Variants in SLC8A2 observed in about 807,000 individuals in gnomAD.
SLC8A2 encodes sodium/calcium exchanger 2.
Under a neutral mutation model 70.2 loss-of-function variants are expected in SLC8A2, and 14 were observed. The ratio of observed to expected loss-of-function variants is 0.20; its 90% CI spans 0.13 to 0.31. The LOEUF (loss-of-function observed/expected upper bound fraction) is 0.31, where lower values mean the gene tolerates loss of function less well. SLC8A2 is among the 10% of genes least tolerant of loss of function. The pLI is 1.00. For synonymous variants in SLC8A2, 575 were observed against 594.3 expected (o/e 0.97, Z 0.47); for missense variants, 779 against 1,320.1 (o/e 0.59, Z 6.35).
At position 47,430,113 on chromosome 19, in the gene SLC8A2, C is replaced by A; in HGVS notation, c.2742G>T (p.Ala914=). 1.3e-6 allele frequency: 2 copies of A among 1,589,858 alleles called. No homozygotes were observed. Among genetic ancestry groups the A allele is most frequent in the Non-Finnish European group, 8.6e-7 (1 of 1,167,934 alleles). Residue 914 remains alanine, a synonymous_variant, in exon 10 of 10, where the codon GCG becomes GCT. Transcript: ENST00000236877. The surrounding 1 kb of genome is among the most constrained non-coding windows in gnomAD (Gnocchi z 5.9). ...CCTAGAAGCCCCGGATGTGGCAGTACGCCTCCAGGCTGGCGAAGAGGATGT... is the reference window on the plus strand; with the variant it reads ...CCTAGAAGCCCCGGATGTGGCAGTAAGCCTCCAGGCTGGCGAAGAGGATGT... ...LLYILFASLE[A]YCHIRGF
intron 8 of SLC8A2, among the ~76,000 whole-genome samples, chr19:47,435,357 G>A (rs1388229872): frequency 1.3e-5 from 2 of 152,040 alleles, no homozygotes; most frequent in African/African-American, 2.4e-5. Flanking sequence ...CCCACAGCAC[G>A]ATGTACGCTG....
intron 4 of SLC8A2, among the ~76,000 whole-genome samples, chr19:47,444,751 A>G (rs1967139988): frequency 6.6e-6 from 1 of 152,226 alleles, no homozygotes; most frequent in Admixed American, 6.5e-5. Context: ...AACGCGCAGG[A>G]AACAGCAAGA....
intron 2 of SLC8A2, among the ~76,000 whole-genome samples, 169 bp from the exon 3 acceptor site, chr19:47,457,763 TTTCC>T (rs1400082349): frequency 2.0e-5 from 3 of 149,976 alleles, no homozygotes; most frequent in African/African-American, 7.3e-5. Flanking sequence ...TCTTTCTTTC[TTTCC>T]TTTCTTTCTT....
chr19:47,468,683 C>A lies in SLC8A2; in HGVS notation c.-16-2264G>T, dbSNP rs1392089667. ...CCCAAACACCCCATCCAAAATGACACCCTCCCCCTCTGGGGAGCACCCCTC... is the reference window on the plus strand; with the variant it reads ...CCCAAACACCCCATCCAAAATGACAACCTCCCCCTCTGGGGAGCACCCCTC... On this transcript the variant is annotated intron_variant, in intron 1 of 9. Transcript: ENST00000236877. The surrounding 1 kb of genome is among the most constrained non-coding windows in gnomAD (Gnocchi z 5.1). Among the ~76,000 whole-genome samples, 1 of 152,166 alleles carries A rather than the reference C, an allele frequency of 6.6e-6. No individual in the cohort carries two copies. The highest frequency in any genetic ancestry group is 2.4e-5 in the African/African-American group (1 of 41,454).
At chr19:47,442,428 G>A (rs1182425979) in intron 4 of SLC8A2, among the ~76,000 whole-genome samples, 1 of 152,154 alleles carries the variant, frequency 6.6e-6, no homozygotes, top group Non-Finnish European at 1.5e-5. Flanking sequence ...AAGACCCCCT[G>A]CAATCTAGCA....
At position 47,457,038 on chromosome 19, in the gene SLC8A2, G is replaced by A. The variant is rs1221333185; in HGVS notation, c.1232C>T (p.Ser411Phe). Reference sequence around the variant, plus strand: ...CTGGCACGTGACGGACAGCAGCACGGAGCCGCAGTTCTCCAGGCAGTGGTA... The same window carrying A: ...CTGGCACGTGACGGACAGCAGCACGAAGCCGCAGTTCTCCAGGCAGTGGTA... ...SLYHCLENCG[S>F]VLLSVTCQGG... Residue 411 changes from serine (S) to phenylalanine (F), a missense_variant, in exon 3 of 10, where the codon TCC becomes TTC. Ser to Phe is a radical substitution (Grantham distance 155). Around this residue, in one of 6 missense-constraint regions of SLC8A2, gnomAD observed 186 missense variants for 246.6 expected, o/e 0.75. Transcript: ENST00000236877. 3 of 1,609,380 alleles carry A rather than the reference G, an allele frequency of 1.9e-6. No homozygotes were observed. The highest frequency in any genetic ancestry group is 1.3e-5 in the African/African-American group (1 of 74,870).
intron 3 of SLC8A2, among the ~76,000 whole-genome samples, chr19:47,451,574 G>A (rs117941143): frequency 6.6e-6 from 1 of 152,236 alleles, no homozygotes; most frequent in African/African-American, 2.4e-5. Flanking sequence ...CTCCCAAAGT[G>A]CTGGGATTGC....
intron 3 of SLC8A2, among the ~76,000 whole-genome samples, chr19:47,452,474 GTGTGTGTGTGTGTGTGTC>G (rs1967256363): frequency 6.7e-6 from 1 of 148,216 alleles, no homozygotes; most frequent in African/African-American, 2.5e-5. Context: ...GTGTGTGTGT[GTGTGTGTGTGTGTGTGTC>G]TTGGTCTGTC....
chr19:47,439,034 A>G (rs1198524514), intron 6 of SLC8A2, among the ~76,000 whole-genome samples: 1 of 152,064 alleles, frequency 6.6e-6, no homozygotes, highest in African/African-American at 2.4e-5. Flanking sequence ...TGGACACTAG[A>G]ATGTGGGCAG....
rs968506208 is a variant in SLC8A2, at chr19:47,447,745, G to A, written c.1763+64C>T. 6 of 1,459,400 alleles carry A rather than the reference G, an allele frequency of 4.1e-6. No individual in the cohort carries two copies. The highest frequency in any genetic ancestry group is 2.9e-5 in the African/African-American group (2 of 67,990). 90.4% of individuals were successfully genotyped at this position (1,459,400 alleles called of 1,614,324 possible). On this transcript the variant is annotated intron_variant, in intron 4 of 9. Transcript: ENST00000236877. The surrounding 1 kb of genome is among the most constrained non-coding windows in gnomAD (Gnocchi z 5.1). ...TGGCTCACCCAGGCCCCGCCCCTGA[G>A]CCACATCAGGCCTCGCCCATTCCGA...
Position 47,432,483 on chromosome 19 carries a change from C to T in SLC8A2, c.2111-38G>A, listed in dbSNP as rs1966977912. 1.3e-6 allele frequency: 2 copies of T among 1,528,070 alleles called. No individual in the cohort carries two copies. The highest frequency in any genetic ancestry group is 1.8e-6 in the Non-Finnish European group (2 of 1,139,786). The allele number at this position is 1,528,070 out of a possible 1,614,324, so 94.7% of individuals were successfully genotyped here. A position where few individuals can be genotyped will look rare whatever the true frequency, so the allele number is the denominator to read the frequency against. ...GACCCAGCTGGGGCATACACTCAGA[C>T]TTCCTTCCTTGCCTACAGAGGCCCC... is the stretch of plus-strand genomic sequence containing the variant. On this transcript the variant is annotated intron_variant, in intron 8 of 9. Coordinates refer to ENST00000236877, the MANE Select transcript of SLC8A2 (RefSeq NM_015063.3). The surrounding 1 kb of genome is among the most constrained non-coding windows in gnomAD (Gnocchi z 6.2).
Position 47,456,965 on chromosome 19 carries a change from G to A in SLC8A2, c.1305C>T (p.Asp435=), listed in dbSNP as rs1967311771. The A allele has an allele frequency of 1.2e-6, 2 of 1,610,978 alleles. No individual in the cohort carries two copies. Among genetic ancestry groups the A allele is most frequent in the African/African-American group, 1.3e-5 (1 of 74,624 alleles). Residue 435 remains aspartate (D), a synonymous_variant, in exon 3 of 10, where the codon GAC becomes GAT. Coordinates refer to ENST00000236877, the MANE Select transcript of SLC8A2 (RefSeq NM_015063.3). ...STFYVDYRTE[D]GSAKAGSDYE... ...AGTCGGAGCCCGCCTTGGCAGAGCCGTCCTCAGTGCGGTAGTCCACGTAGA... is the reference window on the plus strand; with the variant it reads ...AGTCGGAGCCCGCCTTGGCAGAGCCATCCTCAGTGCGGTAGTCCACGTAGA...
rs1446143633 is a variant in SLC8A2 at position 47,448,843 on chromosome 19, A to G, written c.1341-612T>C. ...CCCAGATGCCCCCAAGAGGAAGTCCATACACCTTAACTTGGCATCACTCAT... is the reference window on the plus strand; with the variant it reads ...CCCAGATGCCCCCAAGAGGAAGTCCGTACACCTTAACTTGGCATCACTCAT... On this transcript the variant is annotated intron_variant, in intron 3 of 9. Coordinates refer to ENST00000236877, the MANE Select transcript of SLC8A2 (RefSeq NM_015063.3). The surrounding 1 kb of genome is among the most constrained non-coding windows in gnomAD (Gnocchi z 4.8). 6.6e-6 allele frequency among the ~76,000 whole-genome samples: 1 copy of G among 152,114 alleles called. No homozygotes were observed. Among genetic ancestry groups the G allele is most frequent in the Non-Finnish European group, 1.5e-5 (1 of 68,030 alleles).
At chr19:47,443,401 G>A (rs1267042896) in intron 4 of SLC8A2, among the ~76,000 whole-genome samples, 1 of 152,136 alleles carries the variant, frequency 6.6e-6, no homozygotes, top group Non-Finnish European at 1.5e-5. Context: ...TTTGCCACTG[G>A]CAACTCTTTA....
intron 3 of SLC8A2, among the ~76,000 whole-genome samples, chr19:47,452,397 GGAGAGA>G (rs56184564): frequency 0.019 from 1,264 of 65,354 alleles, 23 homozygotes; most frequent in South Asian, 0.026. Context: ...ATATATATAT[GGAGAGA>G]GAGAGAGAGA....
chr19:47,466,746 C>T lies in SLC8A2; in HGVS notation c.-16-327G>A, dbSNP rs1245751234. Among the ~76,000 whole-genome samples, 2 of 152,116 alleles carry T rather than the reference C, an allele frequency of 1.3e-5. No individual in the cohort carries two copies. The highest frequency in any genetic ancestry group is 1.3e-4 in the Admixed American group (2 of 15,270). Reference sequence around the variant, plus strand: ...TCGGTATGTGCCTGAGAAATAGGTCCTTATGTCCACTAAAAGGACCTACAA... The same window carrying T: ...TCGGTATGTGCCTGAGAAATAGGTCTTTATGTCCACTAAAAGGACCTACAA... On this transcript the variant is annotated intron_variant, in intron 1 of 9. Transcript: ENST00000236877. This position sits in a 1 kb window ranked among gnomAD's most constrained non-coding sequence, Gnocchi z 6.9.
At chr19:47,431,493 G>A (rs887300142) in intron 9 of SLC8A2, among the ~76,000 whole-genome samples, 5 of 150,034 alleles carry the variant, frequency 3.3e-5, no homozygotes, top group East Asian at 2.1e-4. Context: ...TACTAAAAAC[G>A]TAAAAATTAG....
At chr19:47,431,148 C>T (rs962607556) in intron 9 of SLC8A2, among the ~76,000 whole-genome samples, 1 of 151,846 alleles carries the variant, frequency 6.6e-6, no homozygotes, top group Admixed American at 6.6e-5. Flanking sequence ...CCCACCTCAG[C>T]CTCCCGAGCA....
rs1215139319 is a variant in SLC8A2 at position 47,432,129 on chromosome 19, C to T, written c.2389+38G>A. ...CCTGTGTTGCCCCTGCCTGGCTCAT[C>T]TGAGATCCTACCCCACCAAAGTCTC... On this transcript the variant is annotated intron_variant, in intron 9 of 9. Coordinates refer to ENST00000236877, the MANE Select transcript of SLC8A2 (RefSeq NM_015063.3). This position sits in a 1 kb window ranked among gnomAD's most constrained non-coding sequence, Gnocchi z 6.2. 2 of 1,558,596 alleles carry T rather than the reference C, an allele frequency of 1.3e-6. No homozygotes were observed. Among genetic ancestry groups the T allele is most frequent in the Non-Finnish European group, 8.7e-7 (1 of 1,148,916 alleles).
Sources: gnomAD v4.1 joint callset for allele counts (sites outside exome capture counted in the v4.1 genomes callset) on GRCh38, gnomAD v4.1.1 for gene constraint, gnomAD v4.1.1 regional missense constraint, Gnocchi (gnomAD v3.1) non-coding constraint, MANE v1.5 for transcripts, NCBI Gene and HGNC (gene_info 2026-07-23, HGNC 2026-07-21) for gene names.